Variants in PHIP observed in about 807,000 individuals in gnomAD.
The protein encoded by PHIP is PH-interacting protein.
PHIP carries 54 observed loss-of-function variants against 236.8 expected under a neutral mutation model. That is an observed-to-expected ratio of 0.23 (90% confidence interval 0.18 to 0.29). The LOEUF (loss-of-function observed/expected upper bound fraction) is 0.29. Among genes scored for constraint, PHIP ranks in the 10% least tolerant of loss-of-function variants. The pLI, the probability that PHIP is intolerant of heterozygous loss-of-function variation, is 1.00. For missense variants in PHIP, 1,370 were observed against 2,190.8 expected (o/e 0.63, Z 7.48); for synonymous variants, 756 against 718.9 (o/e 1.05, Z -0.83).
chr6:79,010,058 GA>G (rs1213051215), intron 15 of PHIP, among the ~76,000 whole-genome samples: 1 of 146,034 alleles, frequency 6.8e-6, no homozygotes, highest in East Asian at 2.1e-4. Flanking sequence ...ATGATAGGAA[GA>G]AAGAAGGAAG....
intron 24 of PHIP, among the ~76,000 whole-genome samples, chr6:78,977,685 G>A (rs1049082167): frequency 6.6e-6 from 1 of 152,104 alleles, no homozygotes; most frequent in South Asian, 2.1e-4. Context: ...TTGAAATAAT[G>A]TATTAAATAT....
At chr6:79,019,206 T>C (rs199688814) in intron 9 of PHIP, 47 bp from the exon 10 acceptor site, 3 of 1,310,340 alleles carry the variant, frequency 2.3e-6, no homozygotes, top group South Asian at 1.2e-5. Context: ...AAGGAACCAG[T>C]AGCAGCAGAA....
chr6:79,077,388 A>T, intron 4 of PHIP, 60 bp downstream of exon 4: 1 of 1,430,216 alleles, frequency 7.0e-7, no homozygotes, highest in Non-Finnish European at 9.8e-7. Flanking sequence ...AATTGCGGGA[A>T]ATTCAATTTT....
chr6:78,963,476 A>G (rs1016782955), intron 29 of PHIP, among the ~76,000 whole-genome samples: 1 of 152,154 alleles, frequency 6.6e-6, no homozygotes, highest in Non-Finnish European at 1.5e-5. Context: ...ACTTCTCCAA[A>G]ATTATACCTG....
intron 6 of PHIP, among the ~76,000 whole-genome samples, chr6:79,055,439 T>C (rs187016639): frequency 7.4e-4 from 112 of 152,228 alleles, no homozygotes; most frequent in Non-Finnish European, 1.2e-3. Context: ...ACAGGCATAA[T>C]GTGGGTATGG....
chr6:79,050,981 C>A (rs1772763477), intron 6 of PHIP, among the ~76,000 whole-genome samples: 1 of 152,082 alleles, frequency 6.6e-6, no homozygotes, highest in African/African-American at 2.4e-5. Context: ...ATCTTTCCCA[C>A]TGAATTTTTA....
At chr6:79,016,762 T>C in intron 12 of PHIP, 120 bp from the exon 13 acceptor site, 1 of 603,060 alleles carries the variant, frequency 1.7e-6, no homozygotes, top group African/African-American at 1.9e-5. Flanking sequence ...AGCATTCTAA[T>C]AACTTCTGAA....
At position 79,077,871 on chromosome 6, in the gene PHIP, CAG is replaced by C; in HGVS notation, c.81_82del (p.Cys28SerfsTer45). 6.4e-7 allele frequency: 1 copy of C among 1,566,076 alleles called. No individual in the cohort carries two copies. Among genetic ancestry groups the C allele is most frequent in the East Asian group, 2.4e-5 (1 of 41,020 alleles). ...CCGCCGTACCTGAGCCGCCTGCTGA[CAG>C]GGTCCATCTTCCAGGAACCGGGCGA... On this transcript the variant is annotated frameshift_variant, in exon 2 of 40. Transcript: ENST00000275034. LOFTEE classifies it high-confidence loss of function.
intron 21 of PHIP, 94 bp from the exon 22 acceptor site, chr6:78,985,522 CAT>C: frequency 1.3e-6 from 1 of 763,988 alleles, no homozygotes; most frequent in South Asian, 1.5e-5. Flanking sequence ...TAATATCAGT[CAT>C]ATTGGGATAT....
At chr6:79,069,292 T>C (rs1773776241) in intron 4 of PHIP, among the ~76,000 whole-genome samples, 2 of 151,228 alleles carry the variant, frequency 1.3e-5, no homozygotes, top group Admixed American at 1.3e-4. Flanking sequence ...TCTAAAAACA[T>C]CCAAGCTTAC....
chr6:79,011,072 T>A (rs1428261079), intron 15 of PHIP, among the ~76,000 whole-genome samples: 1 of 151,870 alleles, frequency 6.6e-6, no homozygotes, highest in African/African-American at 2.4e-5. Flanking sequence ...AATGGGAGTA[T>A]AGAGCCTTTA....
intron 22 of PHIP, among the ~76,000 whole-genome samples, chr6:78,984,339 T>C (rs1768730531): frequency 6.6e-6 from 1 of 152,222 alleles, no homozygotes; most frequent in Admixed American, 6.5e-5. Flanking sequence ...CTTCAACTTA[T>C]GAGCATTTTA....
intron 7 of PHIP, among the ~76,000 whole-genome samples, chr6:79,036,506 A>G (rs1019128574): frequency 1.4e-4 from 21 of 152,312 alleles, no homozygotes; most frequent in African/African-American, 5.1e-4. Context: ...CAAACGTACA[A>G]AAGTTTCAAG....
intron 7 of PHIP, among the ~76,000 whole-genome samples, chr6:79,026,918 G>T (rs1771435308): frequency 6.6e-6 from 1 of 151,718 alleles, no homozygotes; most frequent in African/African-American, 2.4e-5. Flanking sequence ...CTACTTCCCA[G>T]ATTCAAAACT....
rs1380610135 is a variant in PHIP at position 78,938,940 on chromosome 6, A to G, written c.*1753T>C. 1.3e-5 allele frequency: 2 copies of G among 151,732 alleles called. No individual in the cohort carries two copies. The highest frequency in any genetic ancestry group is 2.1e-4 in the South Asian group (1 of 4,822). The allele number at this position is 151,732 out of a possible 1,614,324, so 9.4% of individuals were successfully genotyped here. ...ATGTAATGTATTTTGCCAAGGTTCAATTGCAGACTTTATTTTTCTACATCA... is the reference window on the plus strand; with the variant it reads ...ATGTAATGTATTTTGCCAAGGTTCAGTTGCAGACTTTATTTTTCTACATCA... On this transcript the variant is annotated 3_prime_UTR_variant, in exon 40 of 40. Transcript: ENST00000275034.
At chr6:78,959,666 T>C (rs924985219) in intron 31 of PHIP, among the ~76,000 whole-genome samples, 5 of 152,164 alleles carry the variant, frequency 3.3e-5, no homozygotes, top group East Asian at 3.9e-4. Context: ...CAGAGTTTAT[T>C]ATCAGGTTGG....
At position 79,066,314 on chromosome 6, in the gene PHIP, G is replaced by C. The variant is rs946336849; in HGVS notation, c.190-5496C>G. Among the ~76,000 whole-genome samples the C allele has an allele frequency of 1.3e-5, 2 of 152,180 alleles. 1 individual carries two copies. Among genetic ancestry groups the C allele is most frequent in the African/African-American group, 4.8e-5 (2 of 41,518 alleles). On this transcript the variant is annotated intron_variant, in intron 4 of 39. Coordinates refer to ENST00000275034, the MANE Select transcript of PHIP (RefSeq NM_017934.7). ...AATGCCAGGCCCTATGGTAAGTGTGGTAAGTTTTACATGGAACTACTCATA... is the reference window on the plus strand; with the variant it reads ...AATGCCAGGCCCTATGGTAAGTGTGCTAAGTTTTACATGGAACTACTCATA...
chr6:79,012,222 T>C (rs984189542), intron 15 of PHIP, among the ~76,000 whole-genome samples: 1 of 151,702 alleles, frequency 6.6e-6, no homozygotes, highest in African/African-American at 2.4e-5. Context: ...TCAATTATTA[T>C]TCAAAAAGCA....
At chr6:79,075,061 T>A (rs1042813987) in intron 4 of PHIP, among the ~76,000 whole-genome samples, 1 of 152,116 alleles carries the variant, frequency 6.6e-6, no homozygotes, top group African/African-American at 2.4e-5. Flanking sequence ...TAAATTCAAC[T>A]CGATATACAA....
Sources: allele counts gnomAD v4.1 joint callset (sites outside exome capture counted in the v4.1 genomes callset), GRCh38; gene constraint gnomAD v4.1.1; transcripts MANE v1.5; gene names NCBI Gene and HGNC (gene_info 2026-07-23, HGNC 2026-07-21).